The following SLC25A42 variants were observed in gnomAD, a reference collection of about 807,000 sequenced individuals.
SLC25A42 encodes solute carrier family 25 member 42.
SLC25A42 carries 19 observed loss-of-function variants against 34.7 expected under a neutral mutation model. The ratio of observed to expected loss-of-function variants is 0.55; its 90% CI spans 0.38 to 0.80. The LOEUF is 0.80. Among genes scored for constraint, SLC25A42 ranks in the 30% least tolerant of loss-of-function variants. The pLI, the probability that SLC25A42 is intolerant of heterozygous loss-of-function variation, is 0.00. For missense variants in SLC25A42, 364 were observed against 441.3 expected (o/e 0.82, Z 1.57); for synonymous variants, 205 against 191.2 (o/e 1.07, Z -0.59).
chr19:19,097,333 G>C (rs1248825936), intron 2 of SLC25A42, among the ~76,000 whole-genome samples: 1 of 152,192 alleles, frequency 6.6e-6, no homozygotes, highest in South Asian at 2.1e-4. Context: ...ATTCACCGGG[G>C]TCACCACCAG....
At chr19:19,093,004 C>T (rs193192147) in intron 1 of SLC25A42, among the ~76,000 whole-genome samples, 1 of 152,256 alleles carries the variant, frequency 6.6e-6, no homozygotes, top group East Asian at 1.9e-4. Flanking sequence ...TGGTTTCTGT[C>T]TGTTTGCAAG....
chr19:19,075,065 A>G (rs1271950736), intron 1 of SLC25A42, among the ~76,000 whole-genome samples: 2 of 152,080 alleles, frequency 1.3e-5, no homozygotes, highest in Admixed American at 6.6e-5. Context: ...AGGTGGAAAG[A>G]TCACCTGAGC....
At chr19:19,104,892 T>TTG in intron 3 of SLC25A42, 21 bp from the exon 4 acceptor site, 1 of 1,614,026 alleles carries the variant, frequency 6.2e-7, no homozygotes, top group Non-Finnish European at 8.5e-7. Flanking sequence ...TCAGTGGCTT[T>TTG]TGTGCTTTTG....
At chr19:19,108,307 T>C (rs1369343385) in intron 7 of SLC25A42, among the ~76,000 whole-genome samples, 1 of 152,098 alleles carries the variant, frequency 6.6e-6, no homozygotes, top group Non-Finnish European at 1.5e-5. Context: ...TCCCAGTGCT[T>C]TGGGAGGCCG....
At chr19:19,072,223 C>G (rs905010273) in intron 1 of SLC25A42, among the ~76,000 whole-genome samples, 1 of 152,150 alleles carries the variant, frequency 6.6e-6, no homozygotes, top group Non-Finnish European at 1.5e-5. Context: ...CTCAATAGGC[C>G]GGGGCCGTGT....
chr19:19,108,149 TA>T, intron 7 of SLC25A42, 104 bp downstream of exon 7: 1 of 1,356,458 alleles, frequency 7.4e-7, no homozygotes, highest in Non-Finnish European at 9.9e-7. Context: ...CGGAGTGGGG[TA>T]CGACCCCTGG....
At chr19:19,087,885 G>A (rs900735924) in intron 1 of SLC25A42, among the ~76,000 whole-genome samples, 4 of 152,224 alleles carry the variant, frequency 2.6e-5, no homozygotes, top group Non-Finnish European at 5.9e-5. Flanking sequence ...CTGTTGGCCT[G>A]GGGAAGCTGG....
At chr19:19,094,709 C>T (rs1418459145) in intron 1 of SLC25A42, among the ~76,000 whole-genome samples, 3 of 152,212 alleles carry the variant, frequency 2.0e-5, no homozygotes, top group African/African-American at 7.2e-5. Flanking sequence ...CTTTGCTTCA[C>T]TTTGCAGTAA....
At chr19:19,094,884 T>C (rs2059756136) in intron 1 of SLC25A42, among the ~76,000 whole-genome samples, 1 of 151,744 alleles carries the variant, frequency 6.6e-6, no homozygotes, top group Non-Finnish European at 1.5e-5. Context: ...CTACAAAATA[T>C]AAAATGAAAA....
chr19:19,080,188 G>A (rs1005409197), intron 1 of SLC25A42, among the ~76,000 whole-genome samples: 1 of 152,152 alleles, frequency 6.6e-6, no homozygotes, highest in Non-Finnish European at 1.5e-5. Context: ...CCTGGGAGCT[G>A]GTACACTTGC....
intron 2 of SLC25A42, among the ~76,000 whole-genome samples, chr19:19,100,860 C>T (rs2059792736): frequency 6.6e-6 from 1 of 152,194 alleles, no homozygotes; most frequent in South Asian, 2.1e-4. Flanking sequence ...AACAACCTGC[C>T]CTTCCACGTT....
At chr19:19,079,052 T>G (rs1480280629) in intron 1 of SLC25A42, among the ~76,000 whole-genome samples, 1 of 151,634 alleles carries the variant, frequency 6.6e-6, no homozygotes, top group Non-Finnish European at 1.5e-5. Context: ...AGACAATTTT[T>G]TATTTTTTTA....
chr19:19,083,075 G>A (rs2059689324), intron 1 of SLC25A42, among the ~76,000 whole-genome samples: 1 of 152,112 alleles, frequency 6.6e-6, no homozygotes, highest in Admixed American at 6.5e-5. Context: ...ACCTGCCTCA[G>A]CCTCCCAAAG....
At chr19:19,093,570 T>C (rs559779451) in intron 1 of SLC25A42, among the ~76,000 whole-genome samples, 4 of 152,218 alleles carry the variant, frequency 2.6e-5, no homozygotes, top group Admixed American at 6.5e-5. Flanking sequence ...CTTAGACTCC[T>C]CTGGGCTGAG....
At chr19:19,086,884 T>C (rs1214276510) in intron 1 of SLC25A42, among the ~76,000 whole-genome samples, 1 of 152,188 alleles carries the variant, frequency 6.6e-6, no homozygotes, top group Non-Finnish European at 1.5e-5. Context: ...TATATTTACT[T>C]TGATATACAT....
chr19:19,088,885 G>A (rs528839346), intron 1 of SLC25A42, among the ~76,000 whole-genome samples: 2 of 151,224 alleles, frequency 1.3e-5, no homozygotes, highest in South Asian at 2.1e-4. Flanking sequence ...TTGGCTCACT[G>A]TAACCTCTGC....
At position 19,081,209 on chromosome 19, in the gene SLC25A42, C is replaced by T. The variant is rs1391145709; in HGVS notation, c.-34-14882C>T. 6.6e-6 allele frequency among the ~76,000 whole-genome samples: 1 copy of T among 152,022 alleles called. No individual in the cohort carries two copies. The highest frequency in any genetic ancestry group is 1.9e-4 in the East Asian group (1 of 5,180). On this transcript the variant is annotated intron_variant, in intron 1 of 7. Transcript: ENST00000318596. The surrounding 1 kb of genome is among the most constrained non-coding windows in gnomAD (Gnocchi z 4.5). ...GGAAGAAGGAGAAATACCCTCCCCA[C>T]AGACTTGTCATTGGGGCACATTTCT... is the stretch of plus-strand genomic sequence containing the variant.
chr19:19,095,669 G>A (rs921742743), intron 1 of SLC25A42, among the ~76,000 whole-genome samples: 4 of 152,130 alleles, frequency 2.6e-5, no homozygotes, highest in East Asian at 1.9e-4. Flanking sequence ...CCTCGGGTCC[G>A]AGCTGACACA....
At chr19:19,085,384 CTTTTTTTT>C (rs11334289) in intron 1 of SLC25A42, among the ~76,000 whole-genome samples, 1 of 141,822 alleles carries the variant, frequency 7.1e-6, no homozygotes, top group South Asian at 2.3e-4. Flanking sequence ...CACATTTTTT[CTTTTTTTT>C]TTTTTTGGAG....
Sources: gnomAD v4.1 joint callset for allele counts (sites outside exome capture counted in the v4.1 genomes callset) on GRCh38, gnomAD v4.1.1 for gene constraint, Gnocchi (gnomAD v3.1) non-coding constraint, MANE v1.5 for transcripts, NCBI Gene and HGNC (gene_info 2026-07-23, HGNC 2026-07-21) for gene names.